Variants in TOP2B observed in about 807,000 individuals in gnomAD.
The protein encoded by TOP2B is DNA topoisomerase II beta.
A neutral mutation model predicts 193.5 loss-of-function variants in TOP2B; 51 were observed. The ratio of observed to expected loss-of-function variants is 0.26; its 90% CI spans 0.21 to 0.33. The LOEUF (loss-of-function observed/expected upper bound fraction) is 0.33, where lower values mean the gene tolerates loss of function less well. TOP2B is among the 10% of genes least tolerant of loss of function. The probability of loss-of-function intolerance (pLI) is 1.00; values close to 1 mark genes in which losing one functional copy is unlikely to be tolerated. For synonymous variants in TOP2B, 634 were observed against 635.7 expected, an observed-to-expected ratio of 1.00 and a Z score of 0.04; for missense variants, 1,378 against 1,909.3, an observed-to-expected ratio of 0.72 and a Z score of 5.19.
chr3:25,601,605 T>A (rs1702097678), intron 33 of TOP2B, among the ~76,000 whole-genome samples: 1 of 151,930 alleles, frequency 6.6e-6, no homozygotes, highest in East Asian at 1.9e-4. Context: ...AGAGCAAAAC[T>A]CTATCTTCAA....
chr3:25,655,283 A>G (rs1703710795), intron 1 of TOP2B, among the ~76,000 whole-genome samples: 1 of 152,224 alleles, frequency 6.6e-6, no homozygotes, highest in African/African-American at 2.4e-5. Context: ...CAGCATATGA[A>G]AAGATAATCA....
intron 14 of TOP2B, 26 bp downstream of exon 14, chr3:25,629,009 T>A: frequency 6.3e-7 from 1 of 1,575,096 alleles, no homozygotes; most frequent in Non-Finnish European, 8.6e-7. Flanking sequence ...GACAACAATA[T>A]AAAAATATAT....
Position 25,641,401 on chromosome 3 carries a change from G to A in TOP2B, c.395+921C>T, listed in dbSNP as rs867746281. ...TGACAATTGCCTAAATAAGGAAAAG[G>A]AATCTTAACAGCCAAAATGTCCTTG... On this transcript the variant is annotated intron_variant, in intron 4 of 35. Transcript: ENST00000264331. 2.0e-5 allele frequency among the ~76,000 whole-genome samples: 3 copies of A among 151,938 alleles called. No homozygotes were observed. The South Asian group carries it at 6.2e-4, about 31-fold the overall frequency.
chr3:25,638,313 G>A lies in TOP2B; in HGVS notation c.396-3C>T, dbSNP rs753537537. 20 of 67,324 alleles carry A rather than the reference G, an allele frequency of 3.0e-4. No homozygotes were observed. The highest frequency in any genetic ancestry group is 4.6e-4 in the Non-Finnish European group (19 of 41,480). The allele number at this position is 67,324 out of a possible 1,614,324, so 4.2% of individuals were successfully genotyped here. The stretch of plus-strand genomic sequence containing the variant: ...AAATGCTTATAATGTTAGATTCACT[G>A]TAAAAAAAAAAAAAAAAAAAAAAAA... On this transcript the variant is annotated splice_region_variant and splice_polypyrimidine_tract_variant and intron_variant, in intron 4 of 35. Coordinates refer to ENST00000264331, the MANE Select transcript of TOP2B (RefSeq NM_001330700.2).
intron 28 of TOP2B, among the ~76,000 whole-genome samples, chr3:25,610,476 G>C (rs1324163991): frequency 1.3e-5 from 2 of 152,202 alleles, no homozygotes; most frequent in Non-Finnish European, 2.9e-5. Flanking sequence ...ACATAGGTTT[G>C]CCAGGTGGGA....
chr3:25,617,563 G>C (rs2125361209), intron 25 of TOP2B, among the ~76,000 whole-genome samples: 1 of 152,240 alleles, frequency 6.6e-6, no homozygotes, highest in East Asian at 1.9e-4. Context: ...GAGAACTCAA[G>C]TACAGGGAAG....
At chr3:25,634,798 C>CGAA (rs1491143901) in intron 7 of TOP2B, among the ~76,000 whole-genome samples, 1 of 131,462 alleles carries the variant, frequency 7.6e-6, no homozygotes, top group African/African-American at 2.8e-5. Context: ...AAAAAAAAAA[C>CGAA]CAAAAAAAGG....
chr3:25,664,903 C>T lies in TOP2B; in HGVS notation c.-606G>A. Reference sequence around the variant, plus strand: ...CCCTCTTGTCCGGCATAACACCGCACACACACATTTGCACACCGGGGAGAG... The same window carrying T: ...CCCTCTTGTCCGGCATAACACCGCATACACACATTTGCACACCGGGGAGAG... On this transcript the variant is annotated 5_prime_UTR_variant, in exon 1 of 36. The change creates a new upstream start codon in the 5' untranslated region. Transcript: ENST00000264331. 1.4e-5 allele frequency: 14 copies of T among 989,568 alleles called. No individual in the cohort carries two copies. The highest frequency in any genetic ancestry group is 1.7e-5 in the Non-Finnish European group (14 of 831,654). 61.3% of individuals were successfully genotyped at this position (989,568 alleles called of 1,614,324 possible).
intron 8 of TOP2B, 138 bp from the exon 9 acceptor site, chr3:25,632,932 C>T: frequency 1.3e-6 from 1 of 746,592 alleles, no homozygotes; most frequent in Non-Finnish European, 2.1e-6. Context: ...AAAAATAAGA[C>T]ATTTTGGCTA....
At chr3:25,628,217 T>TA (rs1702861496) in intron 15 of TOP2B, among the ~76,000 whole-genome samples, 1 of 147,448 alleles carries the variant, frequency 6.8e-6, no homozygotes. Context: ...GGCTCACACC[T>TA]GTAATCCCAA....
intron 7 of TOP2B, among the ~76,000 whole-genome samples, chr3:25,635,479 T>C (rs1036495339): frequency 1.3e-5 from 2 of 152,286 alleles, no homozygotes; most frequent in South Asian, 2.1e-4. Flanking sequence ...ATGGAAAATG[T>C]AGACAATATG....
chr3:25,644,539 A>T (rs1703357042), intron 2 of TOP2B, among the ~76,000 whole-genome samples: 1 of 151,940 alleles, frequency 6.6e-6, no homozygotes, highest in Non-Finnish European at 1.5e-5. Context: ...TGTCTCTACT[A>T]ACAACACAAA....
intron 22 of TOP2B, 32 bp downstream of exon 22, chr3:25,620,650 T>G: frequency 6.3e-7 from 1 of 1,598,948 alleles, no homozygotes; most frequent in Non-Finnish European, 8.5e-7. Flanking sequence ...TACACTGCCC[T>G]TCCCTCAGGC....
In TOP2B at chr3:25,643,784, A is replaced by C. The variant is rs1322779749; in HGVS notation, c.241T>G (p.Phe81Val). 6.2e-6 allele frequency: 10 copies of C among 1,611,874 alleles called. No individual in the cohort carries two copies. The highest frequency in any genetic ancestry group is 8.5e-6 in the Non-Finnish European group (10 of 1,178,738). ...YIGSVEPLTQ[F>V]MWVYDEDVGM... ...ACATCTTCATCATACACCCACATGA[A>C]CTGCATTGAAAAATTCAAAAAAAAT... The change falls in exon 3 of 36, where the codon TTC (phenylalanine) becomes GTC (valine). Residue 81 changes from phenylalanine to valine, a missense_variant and splice_region_variant. Physicochemically the swap from Phe to Val is conservative, Grantham distance 50. This residue lies in a region of TOP2B where 35 missense variants were observed against 85.8 expected (regional missense o/e 0.41). Coordinates refer to ENST00000264331, the MANE Select transcript of TOP2B (RefSeq NM_001330700.2).
intron 33 of TOP2B, among the ~76,000 whole-genome samples, chr3:25,602,652 G>T (rs1165893690): frequency 2.0e-5 from 3 of 152,102 alleles, no homozygotes; most frequent in Non-Finnish European, 4.4e-5. Context: ...GAGTCTTCAT[G>T]ACTATATCTA....
chr3:25,599,659 T>C, intron 34 of TOP2B, 130 bp from the exon 35 acceptor site: 1 of 796,220 alleles, frequency 1.3e-6, no homozygotes, highest in Admixed American at 3.2e-5. Flanking sequence ...TCTCTTACTA[T>C]GAGTGATTAT....
At chr3:25,653,931 A>T (rs986657617) in intron 1 of TOP2B, among the ~76,000 whole-genome samples, 6 of 152,200 alleles carry the variant, frequency 3.9e-5, no homozygotes, top group African/African-American at 1.4e-4. Flanking sequence ...AACACATAAC[A>T]AACTAGAAAT....
At chr3:25,616,365 C>A (rs1388538557) in intron 25 of TOP2B, among the ~76,000 whole-genome samples, 10 of 149,274 alleles carry the variant, frequency 6.7e-5, no homozygotes, top group Non-Finnish European at 3.0e-5. Context: ...ACTGAGTTAA[C>A]CATGACACTC....
intron 1 of TOP2B, among the ~76,000 whole-genome samples, chr3:25,657,378 T>A (rs970989829): frequency 6.6e-6 from 1 of 152,172 alleles, no homozygotes; most frequent in African/African-American, 2.4e-5. Flanking sequence ...AGAAGCTAAA[T>A]GAGAAACCTA....
Sources: allele counts gnomAD v4.1 joint callset (sites outside exome capture counted in the v4.1 genomes callset), GRCh38; gene constraint gnomAD v4.1.1; regional missense constraint gnomAD v4.1.1; transcripts MANE v1.5; gene names NCBI Gene and HGNC (gene_info 2026-07-23, HGNC 2026-07-21).